TMX2: variants seen among roughly 807,000 people sequenced by gnomAD.
TMX2 encodes the protein thioredoxin-related transmembrane protein 2.
TMX2 carries 20 observed loss-of-function variants against 33.4 expected under a neutral mutation model. The ratio of observed to expected loss-of-function variants is 0.60; its 90% CI spans 0.42 to 0.87. TMX2 has a LOEUF of 0.87. TMX2 is among the 40% of genes least tolerant of loss of function. The pLI is 0.00. For synonymous variants in TMX2, 166 were observed against 140.7 expected (o/e 1.18, Z -1.27); for missense variants, 340 against 370.7 (o/e 0.92, Z 0.68).
chr11:57,735,351 G>C (rs964645586), intron 1 of TMX2, among the ~76,000 whole-genome samples: 2 of 151,826 alleles, frequency 1.3e-5, no homozygotes, highest in African/African-American at 4.8e-5. Flanking sequence ...TTTGATTACA[G>C]GCGTATGCCA....
intron 5 of TMX2, 39 bp from the exon 6 acceptor site, chr11:57,738,935 T>A (rs1045305529): frequency 2.5e-6 from 4 of 1,595,948 alleles, no homozygotes; most frequent in Admixed American, 1.7e-5. Context: ...CTTGATCCAT[T>A]ATTTTTTTTC....
intron 1 of TMX2, among the ~76,000 whole-genome samples, chr11:57,720,677 C>T (rs539988613): frequency 4.7e-4 from 72 of 152,348 alleles, no homozygotes; most frequent in Non-Finnish European, 9.1e-4. Context: ...GGATTACAGG[C>T]GTGAGCCATC....
chr11:57,724,859 G>A (rs1287482178), intron 1 of TMX2, among the ~76,000 whole-genome samples: 7 of 151,852 alleles, frequency 4.6e-5, no homozygotes, highest in Non-Finnish European at 1.5e-5. Context: ...CCAAGGTGGT[G>A]AAACCGTGTC....
chr11:57,717,279 C>T (rs574664002), intron 1 of TMX2, among the ~76,000 whole-genome samples: 6 of 152,136 alleles, frequency 3.9e-5, no homozygotes, highest in Non-Finnish European at 8.8e-5. Flanking sequence ...GGCAGAGACG[C>T]TCCTCACTTC....
chr11:57,719,740 C>T (rs1055163435), intron 1 of TMX2, among the ~76,000 whole-genome samples: 17 of 151,664 alleles, frequency 1.1e-4, no homozygotes, highest in African/African-American at 3.9e-4. Context: ...TGATCTTGAA[C>T]TCCTGGGCTC....
In TMX2 at chr11:57,715,444, A is replaced by G. The variant is rs7480341; in HGVS notation, c.189+2637A>G. Among the ~76,000 whole-genome samples the G allele has an allele frequency of 4.7e-5, 7 of 149,758 alleles. No homozygotes were observed. In the East Asian group the frequency reaches 1.2e-3, roughly 25 times the overall value. On this transcript the variant is annotated intron_variant, in intron 1 of 7. Transcript: ENST00000278422. ...AAAATTAAAAAAATATATTTTATAT[A>G]TAATATATATGTATTAATGTGCTTT... is the stretch of plus-strand genomic sequence containing the variant.
At chr11:57,713,114 G>A (rs1272509120) in intron 1 of TMX2, among the ~76,000 whole-genome samples, 2 of 152,142 alleles carry the variant, frequency 1.3e-5, no homozygotes, top group Non-Finnish European at 2.9e-5. Flanking sequence ...GTACATACAC[G>A]TGTATAACGT....
chr11:57,725,529 G>A (rs559782018), intron 1 of TMX2, among the ~76,000 whole-genome samples: 31 of 152,242 alleles, frequency 2.0e-4, no homozygotes, highest in African/African-American at 6.5e-4. Context: ...TTGTGGTCAG[G>A]AGTTTGAGAC....
chr11:57,734,791 A>T (rs2135609517), intron 1 of TMX2, among the ~76,000 whole-genome samples: 1 of 152,134 alleles, frequency 6.6e-6, no homozygotes, highest in South Asian at 2.1e-4. Context: ...AATAAAATTA[A>T]TCTTTCCACA....
At chr11:57,725,628 T>C (rs1210257693) in intron 1 of TMX2, among the ~76,000 whole-genome samples, 1 of 152,024 alleles carries the variant, frequency 6.6e-6, no homozygotes, top group East Asian at 1.9e-4. Flanking sequence ...TCCCAGCTAC[T>C]TGGGAGGCTG....
At chr11:57,714,002 A>G (rs1258662856) in intron 1 of TMX2, among the ~76,000 whole-genome samples, 1 of 152,262 alleles carries the variant, frequency 6.6e-6, no homozygotes, top group African/African-American at 2.4e-5. Context: ...GACTTTAGGC[A>G]GATAAGGTAG....
At chr11:57,738,312 A>C (rs1447083351) in intron 3 of TMX2, 42 bp from the exon 4 acceptor site, 2 of 1,455,432 alleles carry the variant, frequency 1.4e-6, no homozygotes, top group African/African-American at 1.4e-5. Flanking sequence ...TCCCTGTGTA[A>C]GGCTTTTTAT....
intron 1 of TMX2, among the ~76,000 whole-genome samples, chr11:57,726,496 A>G (rs1477427976): frequency 3.3e-5 from 5 of 151,446 alleles, no homozygotes; most frequent in Admixed American, 2.0e-4. Context: ...TTTTTACTTA[A>G]TAATTTTAAG....
intron 1 of TMX2, among the ~76,000 whole-genome samples, chr11:57,732,789 C>T (rs1948477619): frequency 6.6e-6 from 1 of 151,998 alleles, no homozygotes; most frequent in South Asian, 2.1e-4. Context: ...CTAATTAAAT[C>T]ATTGGCCATT....
intron 1 of TMX2, chr11:57,718,467 C>T (rs989697095): frequency 1.7e-5 from 17 of 1,024,434 alleles, no homozygotes; most frequent in Non-Finnish European, 2.0e-5. Flanking sequence ...GCAAACAGCT[C>T]GAAGGAGATG....
At chr11:57,724,812 G>T (rs1947868755) in intron 1 of TMX2, among the ~76,000 whole-genome samples, 2 of 152,222 alleles carry the variant, frequency 1.3e-5, no homozygotes, top group African/African-American at 4.8e-5. Flanking sequence ...GGCTGAGGCG[G>T]GTGGATCACA....
chr11:57,736,645 T>TA (rs1346484292), intron 1 of TMX2, among the ~76,000 whole-genome samples: 1 of 152,012 alleles, frequency 6.6e-6, no homozygotes. Flanking sequence ...CCCAGCACTT[T>TA]AGGAGGCCGA....
At position 57,739,182 on chromosome 11, in the gene TMX2, G is replaced by C. The variant is rs1015301949; in HGVS notation, c.666G>C (p.Leu222=). The change falls in exon 7 of 8, where the codon CTG becomes CTC. Residue 222 remains leucine, a synonymous_variant. Transcript: ENST00000278422. Reference sequence around the variant, plus strand: ...CCAAGCAACTCCCTACCCTGATCCTGTTCCAAGGTGGCAAGGAGGCAATGC... The same window carrying C: ...CCAAGCAACTCCCTACCCTGATCCTCTTCCAAGGTGGCAAGGAGGCAATGC... ...PLTKQLPTLI[L]FQGGKEAMRR... 2 of 1,613,982 alleles carry C rather than the reference G, an allele frequency of 1.2e-6. No homozygotes were observed. Among genetic ancestry groups the C allele is most frequent in the Non-Finnish European group, 8.5e-7 (1 of 1,180,034 alleles).
Position 57,737,061 on chromosome 11 carries a change from A to C in TMX2, c.190-547A>C, listed in dbSNP as rs182079986. Among the ~76,000 whole-genome samples the C allele has an allele frequency of 2.0e-5, 3 of 152,212 alleles. No homozygotes were observed. The East Asian group carries it at 5.8e-4, about 29-fold the overall frequency. Reference sequence around the variant, plus strand: ...ACAACTCTTTTTAATCTGTTATCTCATTTAATCCCCCAGTAGCATTTTGAA... The same window carrying C: ...ACAACTCTTTTTAATCTGTTATCTCCTTTAATCCCCCAGTAGCATTTTGAA... On this transcript the variant is annotated intron_variant, in intron 1 of 7. Transcript: ENST00000278422.
Sources: gnomAD v4.1 joint callset for allele counts (sites outside exome capture counted in the v4.1 genomes callset) on GRCh38, gnomAD v4.1.1 for gene constraint, MANE v1.5 for transcripts, NCBI Gene and HGNC (gene_info 2026-07-23, HGNC 2026-07-21) for gene names.